SNCAIP: variants seen among roughly 807,000 people sequenced by gnomAD.
The protein encoded by SNCAIP is synuclein alpha interacting protein.
SNCAIP carries 43 observed loss-of-function variants against 86.7 expected under a neutral mutation model. The ratio of observed to expected loss-of-function variants is 0.50; its 90% CI spans 0.39 to 0.64. The LOEUF (loss-of-function observed/expected upper bound fraction) is 0.64. SNCAIP is among the 30% of genes least tolerant of loss of function. The pLI, the probability that SNCAIP is intolerant of heterozygous loss-of-function variation, is 0.00. For missense variants in SNCAIP, 981 were observed against 1,103.1 expected, an observed-to-expected ratio of 0.89 and a Z score of 1.57; for synonymous variants, 417 against 427.2, an observed-to-expected ratio of 0.98 and a Z score of 0.29.
intron 2 of SNCAIP, among the ~76,000 whole-genome samples, chr5:122,394,545 G>A (rs959404293): frequency 2.6e-5 from 4 of 152,214 alleles, no homozygotes; most frequent in Non-Finnish European, 5.9e-5. Flanking sequence ...GAGAGATGAC[G>A]ACACATAAGC....
At chr5:122,336,524 T>C (rs1029558896) in intron 1 of SNCAIP, among the ~76,000 whole-genome samples, 8 of 152,234 alleles carry the variant, frequency 5.3e-5, no homozygotes, top group African/African-American at 1.7e-4. Flanking sequence ...CCTCAGAAAT[T>C]TGTCCTTTAA....
At chr5:122,444,855 CT>C (rs1313144614) in intron 8 of SNCAIP, 123 bp downstream of exon 8, 1 of 849,240 alleles carries the variant, frequency 1.2e-6, no homozygotes, top group East Asian at 2.6e-5. Context: ...TAGCATTCTC[CT>C]CTTCTGTTCT....
At chr5:122,389,788 T>C (rs1768951123) in intron 1 of SNCAIP, 1 of 152,162 alleles carries the variant, frequency 6.6e-6, no homozygotes, top group Non-Finnish European at 1.5e-5. Context: ...GTATCTATTG[T>C]AATTAAGACT....
chr5:122,367,900 A>G (rs1010986687), intron 1 of SNCAIP, among the ~76,000 whole-genome samples: 1 of 152,176 alleles, frequency 6.6e-6, no homozygotes, highest in African/African-American at 2.4e-5. Context: ...ACACACATAT[A>G]TAAATATAAG....
intron 1 of SNCAIP, among the ~76,000 whole-genome samples, chr5:122,329,819 A>G (rs1754885966): frequency 6.6e-6 from 1 of 152,202 alleles, no homozygotes; most frequent in African/African-American, 2.4e-5. Context: ...GGAAATATGT[A>G]TCTTAGAATT....
chr5:122,416,073 T>C (rs1191906605), intron 3 of SNCAIP, among the ~76,000 whole-genome samples: 1 of 152,238 alleles, frequency 6.6e-6, no homozygotes, highest in African/African-American at 2.4e-5. Flanking sequence ...GATTTCGTGA[T>C]GGAATATGCC....
chr5:122,354,928 A>G (rs908470389), intron 1 of SNCAIP, among the ~76,000 whole-genome samples: 15 of 152,236 alleles, frequency 9.9e-5, no homozygotes, highest in African/African-American at 3.4e-4. Flanking sequence ...TAAAGAAAAT[A>G]TGTTTGTTTT....
intron 1 of SNCAIP, among the ~76,000 whole-genome samples, chr5:122,388,030 C>A (rs1768575171): frequency 1.3e-5 from 2 of 152,154 alleles, no homozygotes; most frequent in African/African-American, 4.8e-5. Flanking sequence ...AAGGGTCGAA[C>A]ACTCAAATGT....
At chr5:122,346,633 A>G (rs1343392933) in intron 1 of SNCAIP, among the ~76,000 whole-genome samples, 2 of 152,068 alleles carry the variant, frequency 1.3e-5, no homozygotes, top group African/African-American at 4.8e-5. Flanking sequence ...TTGTAGACTA[A>G]TAGAATTTTA....
chr5:122,462,575 T>C (rs1786642321), intron 10 of SNCAIP, among the ~76,000 whole-genome samples: 1 of 152,184 alleles, frequency 6.6e-6, no homozygotes, highest in Non-Finnish European at 1.5e-5. Context: ...ATAAGAATTA[T>C]AACTTTCAGA....
chr5:122,333,570 G>T (rs765393030), intron 1 of SNCAIP, among the ~76,000 whole-genome samples: 11 of 152,228 alleles, frequency 7.2e-5, no homozygotes, highest in Admixed American at 2.0e-4. Flanking sequence ...AAGGCACTTT[G>T]TTGGCGGAGA....
intron 1 of SNCAIP, among the ~76,000 whole-genome samples, chr5:122,376,974 G>C (rs1018592019): frequency 1.3e-5 from 2 of 152,054 alleles, no homozygotes; most frequent in African/African-American, 4.8e-5. Flanking sequence ...ACTTCTATTT[G>C]AACAATTTCT....
At chr5:122,368,781 A>G (rs1354919277) in intron 1 of SNCAIP, among the ~76,000 whole-genome samples, 2 of 152,196 alleles carry the variant, frequency 1.3e-5, no homozygotes, top group Non-Finnish European at 2.9e-5. Flanking sequence ...CTCTGGCCCC[A>G]GCCAGCCTGA....
At chr5:122,432,917 T>C (rs1296581587) in intron 6 of SNCAIP, among the ~76,000 whole-genome samples, 1 of 152,204 alleles carries the variant, frequency 6.6e-6, no homozygotes, top group African/African-American at 2.4e-5. Flanking sequence ...TTGCTTCTCA[T>C]GCATTTAACT....
chr5:122,423,873 G>T (rs1776866736), intron 4 of SNCAIP, 134 bp downstream of exon 4: 1 of 752,610 alleles, frequency 1.3e-6, no homozygotes, highest in Non-Finnish European at 2.1e-6. Flanking sequence ...CTTTAGTTGG[G>T]AGATGTGACC....
At chr5:122,353,193 C>CA (rs1162526232) in intron 1 of SNCAIP, among the ~76,000 whole-genome samples, 1 of 151,448 alleles carries the variant, frequency 6.6e-6, no homozygotes. Context: ...TTATGTTGAG[C>CA]AAAAAAAGGA....
intron 3 of SNCAIP, among the ~76,000 whole-genome samples, chr5:122,416,275 C>T (rs572111491): frequency 1.3e-5 from 2 of 152,274 alleles, no homozygotes; most frequent in African/African-American, 2.4e-5. Context: ...TATCAGTAGC[C>T]ACTTAAAGAC....
chr5:122,452,990 C>T (rs2153007109), intron 10 of SNCAIP: 1 of 1,541,620 alleles, frequency 6.5e-7, no homozygotes, highest in East Asian at 2.4e-5. Flanking sequence ...TGTGTAACGA[C>T]ACACGGTACG....
intron 1 of SNCAIP, chr5:122,389,966 T>C (rs1768998496): frequency 1.3e-5 from 2 of 152,112 alleles, no homozygotes; most frequent in African/African-American, 4.8e-5. Flanking sequence ...GGAAAACAAA[T>C]GCCTTCAGAA....
Sources: gnomAD v4.1 joint callset for allele counts (sites outside exome capture counted in the v4.1 genomes callset) on GRCh38, gnomAD v4.1.1 for gene constraint, MANE v1.5 for transcripts, NCBI Gene and HGNC (gene_info 2026-07-23, HGNC 2026-07-21) for gene names.